Variants in ANKRD44 observed in about 807,000 individuals in gnomAD.
ANKRD44 encodes ankyrin repeat domain 44, also known as serine/threonine-protein phosphatase 6 regulatory ankyrin repeat subunit B.
Under a neutral mutation model 116.0 loss-of-function variants are expected in ANKRD44, and 35 were observed. That is an observed-to-expected ratio of 0.30 (90% CI 0.23 to 0.40). ANKRD44 has a LOEUF of 0.40. Ranked by LOEUF, ANKRD44 falls within the 10% of genes least tolerant of loss-of-function variation. ANKRD44 has a pLI of 1.00. For missense variants in ANKRD44, 1,014 were observed against 1,242.6 expected, an observed-to-expected ratio of 0.82 and a Z score of 2.77; for synonymous variants, 435 against 461.8, an observed-to-expected ratio of 0.94 and a Z score of 0.74.
chr2:197,062,604 C>T (rs1247306251), intron 16 of ANKRD44, among the ~76,000 whole-genome samples: 11 of 152,146 alleles, frequency 7.2e-5, no homozygotes, highest in South Asian at 2.1e-4. Flanking sequence ...CCTGGAAAAT[C>T]GGGTCACTCC....
chr2:197,099,135 C>T (rs551103629), intron 10 of ANKRD44, among the ~76,000 whole-genome samples: 1 of 152,168 alleles, frequency 6.6e-6, no homozygotes, highest in South Asian at 2.1e-4. Context: ...ACACTGGCCA[C>T]CTTTGAGCTC....
intron 8 of ANKRD44, 39 bp downstream of exon 8, chr2:197,121,293 A>G: frequency 6.3e-7 from 1 of 1,587,540 alleles, no homozygotes; most frequent in Non-Finnish European, 8.7e-7. Flanking sequence ...CAGAAGCTCA[A>G]TGCAAAGGCA....
At chr2:197,069,797 C>G (rs911916064) in intron 16 of ANKRD44, among the ~76,000 whole-genome samples, 5 of 151,882 alleles carry the variant, frequency 3.3e-5, no homozygotes, top group African/African-American at 1.2e-4. Flanking sequence ...GAAAACCTTG[C>G]TAGAATTTTG....
intron 1 of ANKRD44, among the ~76,000 whole-genome samples, chr2:197,248,831 C>A (rs2125822966): frequency 6.6e-6 from 1 of 151,996 alleles, no homozygotes; most frequent in Admixed American, 6.5e-5. Flanking sequence ...ATGTGTAGTT[C>A]AGGAAGTGGT....
At chr2:197,299,205 A>AT (rs1426729437) in intron 1 of ANKRD44, among the ~76,000 whole-genome samples, 1 of 150,020 alleles carries the variant, frequency 6.7e-6, no homozygotes, top group African/African-American at 2.5e-5. Flanking sequence ...CTTACAATTG[A>AT]TTTTTTAAAT....
In ANKRD44 at chr2:197,110,859, G is replaced by A. The variant is rs767179753; in HGVS notation, c.907-15C>T. 21 of 1,609,092 alleles carry A rather than the reference G, an allele frequency of 1.3e-5. No homozygotes were observed. The South Asian group carries it at 2.2e-4, about 17-fold the overall frequency. On this transcript the variant is annotated splice_polypyrimidine_tract_variant and intron_variant, in intron 8 of 27. Coordinates refer to ENST00000282272, the MANE Select transcript of ANKRD44 (RefSeq NM_001195144.2). Reference sequence around the variant, plus strand: ...CCATCTTTACTCTAAAAAAAAGAGAGGGAGAGAAAAACAATGGAGGTGCTC... The same window carrying A: ...CCATCTTTACTCTAAAAAAAAGAGAAGGAGAGAAAAACAATGGAGGTGCTC...
intron 1 of ANKRD44, among the ~76,000 whole-genome samples, chr2:197,264,786 T>C (rs1453703560): frequency 6.6e-6 from 1 of 152,170 alleles, no homozygotes; most frequent in Non-Finnish European, 1.5e-5. Flanking sequence ...TGAGGGTGAT[T>C]AGAAAATAAC....
At chr2:197,206,805 C>T (rs990341374) in intron 1 of ANKRD44, among the ~76,000 whole-genome samples, 7 of 152,066 alleles carry the variant, frequency 4.6e-5, no homozygotes, top group African/African-American at 9.7e-5. Flanking sequence ...GCTCCTCCAT[C>T]ATCAATTGTC....
chr2:197,113,219 G>A (rs2125287465), intron 8 of ANKRD44, among the ~76,000 whole-genome samples: 1 of 152,320 alleles, frequency 6.6e-6, no homozygotes, highest in South Asian at 2.1e-4. Flanking sequence ...GCTCCTAAAA[G>A]TTATCTGATT....
intron 27 of ANKRD44, chr2:196,990,167 A>G (rs1384348394): frequency 2.0e-6 from 2 of 985,956 alleles, no homozygotes; most frequent in Admixed American, 1.2e-4. Context: ...CTCTAAAAAG[A>G]TTATTACAGG....
chr2:197,119,076 C>T (rs757061154), intron 8 of ANKRD44, among the ~76,000 whole-genome samples: 2 of 151,972 alleles, frequency 1.3e-5, no homozygotes, highest in Non-Finnish European at 2.9e-5. Flanking sequence ...TAACTATTTG[C>T]TTATCATGTA....
chr2:197,021,593 G>C, intron 17 of ANKRD44, among the ~76,000 whole-genome samples: 1 of 152,288 alleles, frequency 6.6e-6, no homozygotes. Flanking sequence ...GTACATAAAT[G>C]TCTTCTTTTG....
Position 196,988,189 on chromosome 2 carries a change from G to A in ANKRD44, c.*1402C>T, listed in dbSNP as rs1341890707. 2.0e-6 allele frequency: 2 copies of A among 984,544 alleles called. No individual in the cohort carries two copies. Among genetic ancestry groups the A allele is most frequent in the African/African-American group, 3.5e-5 (2 of 57,200 alleles). 61.0% of individuals were successfully genotyped at this position (984,544 alleles called of 1,614,324 possible). On this transcript the variant is annotated 3_prime_UTR_variant, in exon 28 of 28. Coordinates refer to ENST00000282272, the MANE Select transcript of ANKRD44 (RefSeq NM_001195144.2). ...ACAGGAAAAATGTTAACGCTGCTTT[G>A]CCATTAAAGCAAGCATTTCATTTCC...
At chr2:197,222,537 T>C (rs957659149) in intron 1 of ANKRD44, among the ~76,000 whole-genome samples, 9 of 152,168 alleles carry the variant, frequency 5.9e-5, no homozygotes, top group Non-Finnish European at 8.8e-5. Context: ...TCCTCTCTTC[T>C]CTGTTTTCCC....
At chr2:197,086,816 T>C in intron 12 of ANKRD44, 68 bp from the exon 13 acceptor site, 1 of 1,470,348 alleles carries the variant, frequency 6.8e-7, no homozygotes. Flanking sequence ...CAGCAAGAGC[T>C]ATTTTCTGCA....
intron 16 of ANKRD44, among the ~76,000 whole-genome samples, chr2:197,035,693 T>G (rs536475299): frequency 3.9e-5 from 6 of 152,054 alleles, no homozygotes; most frequent in Admixed American, 3.9e-4. Context: ...TGCTTGTCTA[T>G]GCTGAAGAAT....
intron 1 of ANKRD44, among the ~76,000 whole-genome samples, chr2:197,194,092 AGAGTAAATAAATT>A (rs979397103): frequency 2.6e-5 from 4 of 152,306 alleles, no homozygotes; most frequent in African/African-American, 9.6e-5. Flanking sequence ...AAAATACTAC[AGAGTAAATAAATT>A]GAGTTAGGAT....
intron 23 of ANKRD44, 92 bp downstream of exon 23, chr2:197,000,327 C>T: frequency 2.1e-6 from 2 of 956,700 alleles, no homozygotes; most frequent in Admixed American, 2.1e-5. Flanking sequence ...ATTATTCTTT[C>T]AATTAAAAAC....
intron 10 of ANKRD44, among the ~76,000 whole-genome samples, chr2:197,092,810 T>C (rs2078072437): frequency 6.6e-6 from 1 of 152,160 alleles, no homozygotes. Flanking sequence ...TTTCTGCTTA[T>C]GCTATTATTT....
Sources: allele counts gnomAD v4.1 joint callset (sites outside exome capture counted in the v4.1 genomes callset), GRCh38; gene constraint gnomAD v4.1.1; transcripts MANE v1.5; gene names NCBI Gene and HGNC (gene_info 2026-07-23, HGNC 2026-07-21).